PRKG1: variants seen among roughly 807,000 people sequenced by gnomAD.
PRKG1 encodes the protein protein kinase cGMP-dependent 1, also known as cGMP-dependent protein kinase 1.
Under a neutral mutation model 88.1 loss-of-function variants are expected in PRKG1, and 35 were observed. The observed-to-expected ratio is 0.40, with a 90% CI of 0.30 to 0.53. PRKG1 has a LOEUF of 0.53. Ranked by LOEUF, PRKG1 falls within the 20% of genes least tolerant of loss-of-function variation. The probability of loss-of-function intolerance (pLI) is 0.59; values close to 1 mark genes in which losing one functional copy is unlikely to be tolerated. For missense variants in PRKG1, 540 were observed against 839.8 expected (o/e 0.64, Z 4.41); for synonymous variants, 303 against 292.5 (o/e 1.04, Z -0.37).
chr10:51,160,733 C>T lies in PRKG1; in HGVS notation c.478+7403C>T, dbSNP rs888914246. ...ATGAAAAGTCTGTTATTGTCCTCTC[C>T]CTTTTTTACTGTTGGGGGGACAGCT... On this transcript the variant is annotated intron_variant, in intron 2 of 17. Transcript: ENST00000373980. 3.3e-5 allele frequency among the ~76,000 whole-genome samples: 5 copies of T among 152,258 alleles called. No individual in the cohort carries two copies. The South Asian group carries it at 8.3e-4, about 25-fold the overall frequency.
chr10:51,461,942 T>C (rs564899294), intron 2 of PRKG1, among the ~76,000 whole-genome samples: 3 of 152,252 alleles, frequency 2.0e-5, no homozygotes, highest in Admixed American at 6.5e-5. Flanking sequence ...TCTGATATAA[T>C]AGTATGCCTA....
chr10:51,922,079 T>C (rs751284307), intron 5 of PRKG1, among the ~76,000 whole-genome samples: 28 of 151,972 alleles, frequency 1.8e-4, no homozygotes, highest in Non-Finnish European at 7.4e-5. Flanking sequence ...ATTGATTTAG[T>C]TTCTTTGATA....
At chr10:52,247,427 GGTT>G (rs1417844755) in intron 9 of PRKG1, among the ~76,000 whole-genome samples, 3 of 152,014 alleles carry the variant, frequency 2.0e-5, no homozygotes, top group African/African-American at 7.3e-5. Flanking sequence ...TAGGAACTTG[GGTT>G]GCACATTTAT....
intron 7 of PRKG1, among the ~76,000 whole-genome samples, chr10:52,105,879 T>C (rs1270583283): frequency 1.3e-5 from 2 of 152,086 alleles, no homozygotes; most frequent in Admixed American, 6.5e-5. Context: ...CATGGATACG[T>C]TCTTTAGTGG....
chr10:51,029,450 A>G (rs1006459166), intron 1 of PRKG1, among the ~76,000 whole-genome samples: 5 of 152,128 alleles, frequency 3.3e-5, no homozygotes, highest in Non-Finnish European at 5.9e-5. Flanking sequence ...TATTTTTTTT[A>G]GAAAGTCACC....
chr10:52,279,059 A>G (rs1461137770), intron 12 of PRKG1, among the ~76,000 whole-genome samples: 1 of 152,192 alleles, frequency 6.6e-6, no homozygotes, highest in Non-Finnish European at 1.5e-5. Flanking sequence ...TATTAATTAT[A>G]TATACACAGA....
chr10:51,327,182 AGGTG>A (rs1841613220), intron 2 of PRKG1, among the ~76,000 whole-genome samples: 2 of 152,156 alleles, frequency 1.3e-5, no homozygotes, highest in African/African-American at 4.8e-5. Context: ...TGGGAGGTCG[AGGTG>A]GGTGGATCAT....
At chr10:52,119,746 C>A (rs1847771176) in intron 7 of PRKG1, among the ~76,000 whole-genome samples, 1 of 152,128 alleles carries the variant, frequency 6.6e-6, no homozygotes, top group Non-Finnish European at 1.5e-5. Context: ...AAGTGAATAC[C>A]ACAGACCAGG....
intron 8 of PRKG1, among the ~76,000 whole-genome samples, chr10:52,137,880 G>A (rs554098798): frequency 8.2e-4 from 124 of 152,138 alleles, no homozygotes; most frequent in Non-Finnish European, 1.6e-3. Context: ...CTTATTCACC[G>A]TTATGGGAAG....
intron 4 of PRKG1, among the ~76,000 whole-genome samples, chr10:51,848,804 C>G (rs889663644): frequency 6.6e-6 from 1 of 151,164 alleles, no homozygotes; most frequent in African/African-American, 2.4e-5. Flanking sequence ...ACTTCTCAGC[C>G]TATGTGTGCA....
chr10:51,957,451 A>C (rs926095216), intron 5 of PRKG1, among the ~76,000 whole-genome samples: 11 of 151,336 alleles, frequency 7.3e-5, no homozygotes, highest in Non-Finnish European at 1.3e-4. Flanking sequence ...GCCACCATGC[A>C]CGGCTAATTT....
intron 1 of PRKG1, among the ~76,000 whole-genome samples, chr10:51,143,875 C>T (rs963353044): frequency 1.3e-5 from 2 of 151,852 alleles, no homozygotes; most frequent in African/African-American, 4.8e-5. Flanking sequence ...GGGTATTAAA[C>T]CCTGGTCATG....
chr10:52,231,437 G>GAGAGAGAGAGAGAGAA (rs1272519211), intron 9 of PRKG1: 3 of 151,864 alleles, frequency 2.0e-5, no homozygotes, highest in Non-Finnish European at 4.4e-5. Context: ...GAGAGAGAGA[G>GAGAGAGAGAGAGAGAA]AAAGAGAGAG....
chr10:51,992,391 A>G (rs1230206073), intron 5 of PRKG1, among the ~76,000 whole-genome samples: 1 of 152,122 alleles, frequency 6.6e-6, no homozygotes, highest in Non-Finnish European at 1.5e-5. Context: ...TAAAAAAAAA[A>G]TCTTTAATGT....
chr10:51,388,759 G>C (rs1489539270), intron 2 of PRKG1, among the ~76,000 whole-genome samples: 1 of 152,208 alleles, frequency 6.6e-6, no homozygotes, highest in Admixed American at 6.5e-5. Flanking sequence ...TAAGTACACT[G>C]TGAAAATAAT....
chr10:51,881,032 G>C (rs976570978), intron 4 of PRKG1, among the ~76,000 whole-genome samples: 1 of 151,112 alleles, frequency 6.6e-6, no homozygotes, highest in South Asian at 2.1e-4. Context: ...GAAAAGGGGG[G>C]CAGATAGTAT....
At chr10:51,423,105 C>T (rs952173236) in intron 2 of PRKG1, among the ~76,000 whole-genome samples, 3 of 152,046 alleles carry the variant, frequency 2.0e-5, no homozygotes, top group African/African-American at 4.8e-5. Flanking sequence ...TAACCATTCA[C>T]ACCCTGTTCA....
In PRKG1 at chr10:51,347,837, G is replaced by A. The variant is rs193269136; in HGVS notation, c.479-119886G>A. Among the ~76,000 whole-genome samples, 464 of 152,018 alleles carry A rather than the reference G, an allele frequency of 3.1e-3. 3 individuals are homozygous for A. Among genetic ancestry groups the A allele is most frequent in the African/African-American group, 0.01 (434 of 41,464 alleles). ...AGCACTTTGGGAGGCCGAGGCAGGC[G>A]GAACACGAGGTCAGGAGATCGAGAC... On this transcript the variant is annotated intron_variant, in intron 2 of 17. Transcript: ENST00000373980.
intron 3 of PRKG1, among the ~76,000 whole-genome samples, chr10:51,593,886 A>G (rs2132213114): frequency 6.6e-6 from 1 of 152,094 alleles, no homozygotes; most frequent in African/African-American, 2.4e-5. Flanking sequence ...TACCACACCC[A>G]ACTAATTTTT....
Sources: allele counts gnomAD v4.1 joint callset (sites outside exome capture counted in the v4.1 genomes callset), GRCh38; gene constraint gnomAD v4.1.1; transcripts MANE v1.5; gene names NCBI Gene and HGNC (gene_info 2026-07-23, HGNC 2026-07-21).